AP2S1: variants seen among roughly 807,000 people sequenced by gnomAD.
AP2S1 encodes adaptor related protein complex 2 subunit sigma 1.
AP2S1 carries 6 observed loss-of-function variants against 21.0 expected under a neutral mutation model. The observed-to-expected ratio is 0.29, with a 90% CI of 0.16 to 0.56. The LOEUF (loss-of-function observed/expected upper bound fraction) is 0.56, where lower values mean the gene tolerates loss of function less well. Ranked by LOEUF, AP2S1 falls within the 20% of genes least tolerant of loss-of-function variation. The pLI is 0.92. For missense variants in AP2S1, 60 were observed against 186.2 expected (o/e 0.32, Z 3.95); for synonymous variants, 63 against 74.6 (o/e 0.84, Z 0.80).
chr19:46,838,580 G>A lies in AP2S1; in HGVS notation c.328-32C>T. 6.2e-7 allele frequency: 1 copy of A among 1,610,086 alleles called. No homozygotes were observed. Among genetic ancestry groups the A allele is most frequent in the Non-Finnish European group, 8.5e-7 (1 of 1,176,336 alleles). ...GAGGGGAGACCCTGGGGTGAGACGAGGCCCCCCAGGATGCTGGCCCGGACC... is the reference window on the plus strand; with the variant it reads ...GAGGGGAGACCCTGGGGTGAGACGAAGCCCCCCAGGATGCTGGCCCGGACC... On this transcript the variant is annotated intron_variant, in intron 4 of 4. Transcript: ENST00000263270. This position sits in a 1 kb window ranked among gnomAD's most constrained non-coding sequence, Gnocchi z 4.1.
chr19:46,839,401 G>T, intron 3 of AP2S1, 64 bp downstream of exon 3: 1 of 1,578,786 alleles, frequency 6.3e-7, no homozygotes, highest in Non-Finnish European at 8.7e-7. Flanking sequence ...GGGTTCCCAG[G>T]CCTTGGGGGC....
intron 2 of AP2S1, among the ~76,000 whole-genome samples, chr19:46,845,368 T>C (rs2055611917): frequency 6.6e-6 from 1 of 152,008 alleles, no homozygotes; most frequent in African/African-American, 2.4e-5. Flanking sequence ...ATCATGCCAC[T>C]GCACTCCAGC....
At chr19:46,848,247 G>A (rs1166517692) in intron 1 of AP2S1, among the ~76,000 whole-genome samples, 2 of 152,082 alleles carry the variant, frequency 1.3e-5, no homozygotes, top group East Asian at 1.9e-4. Context: ...GGGGCAGGGG[G>A]GAGGCGGCTA....
intron 2 of AP2S1, among the ~76,000 whole-genome samples, chr19:46,843,373 C>T (rs1161317846): frequency 1.3e-5 from 2 of 152,174 alleles, no homozygotes; most frequent in Non-Finnish European, 2.9e-5. Flanking sequence ...TGCTCAAAAC[C>T]CTCCATGGTT....
At chr19:46,843,260 ACCAGCATCT>A (rs1225398739) in intron 2 of AP2S1, among the ~76,000 whole-genome samples, 1 of 152,062 alleles carries the variant, frequency 6.6e-6, no homozygotes, top group Non-Finnish European at 1.5e-5. Flanking sequence ...TGGTCCGGTC[ACCAGCATCT>A]CCCACCTGGA....
Position 46,839,447 on chromosome 19 carries a change from A to ACCCCCCCCCCC in AP2S1, c.267+17_267+18insGGGGGGGGGGG. 2.5e-6 allele frequency: 4 copies of ACCCCCCCCCCC among 1,572,644 alleles called. No individual in the cohort carries two copies. Among genetic ancestry groups the ACCCCCCCCCCC allele is most frequent in the South Asian group, 1.1e-5 (1 of 89,144 alleles). The stretch of plus-strand genomic sequence containing the variant: ...CTGCCCACCCGCCTCCCCACCTTAC[A>ACCCCCCCCCCC]TCCCTCTCCCGCCGTACCTCCACGA... On this transcript the variant is annotated intron_variant, in intron 3 of 4. Transcript: ENST00000263270.
chr19:46,847,005 C>T (rs931398283), intron 1 of AP2S1, among the ~76,000 whole-genome samples: 2 of 152,134 alleles, frequency 1.3e-5, no homozygotes, highest in African/African-American at 4.8e-5. Context: ...AGTTTATAAA[C>T]TTAGTTCGGT....
Position 46,838,985 on chromosome 19 carries a change from G to A in AP2S1, c.268-186C>T, listed in dbSNP as rs190331414. On this transcript the variant is annotated intron_variant, in intron 3 of 4. Transcript: ENST00000263270. This position sits in a 1 kb window ranked among gnomAD's most constrained non-coding sequence, Gnocchi z 4.1. ...ACAGAGAGAAACAAAAGCAAAGATCGATGCAAAGAGATGGCAAAAGGTCAG... is the reference window on the plus strand; with the variant it reads ...ACAGAGAGAAACAAAAGCAAAGATCAATGCAAAGAGATGGCAAAAGGTCAG... Among the ~76,000 whole-genome samples, 59 of 151,970 alleles carry A rather than the reference G, an allele frequency of 3.9e-4. No homozygotes were observed. Among genetic ancestry groups the A allele is most frequent in the Admixed American group, 9.2e-4 (14 of 15,256 alleles).
chr19:46,839,713 G>A, intron 2 of AP2S1, 135 bp from the exon 3 acceptor site: 1 of 1,435,626 alleles, frequency 7.0e-7, no homozygotes, highest in Admixed American at 2.1e-5. Flanking sequence ...CTGTGCTGGG[G>A]TCACAGCAGT....
chr19:46,838,370 T>C lies in AP2S1; in HGVS notation c.*77A>G. 1.4e-6 allele frequency: 2 copies of C among 1,439,546 alleles called. No homozygotes were observed. Among genetic ancestry groups the C allele is most frequent in the African/African-American group, 1.4e-5 (1 of 71,234 alleles). 89.2% of individuals were successfully genotyped at this position (1,439,546 alleles called of 1,614,324 possible). ...GGCAGCTGAGGGAAGGACTGCTGGG[T>C]TGGCCACGGGCCTGGGAAGGGGAAG... is the stretch of plus-strand genomic sequence containing the variant. On this transcript the variant is annotated 3_prime_UTR_variant, in exon 5 of 5. Transcript: ENST00000263270. This position sits in a 1 kb window ranked among gnomAD's most constrained non-coding sequence, Gnocchi z 4.1.
chr19:46,850,821 C>T lies in AP2S1; in HGVS notation c.-55G>A. 1.3e-6 allele frequency: 2 copies of T among 1,523,956 alleles called. No homozygotes were observed. The highest frequency in any genetic ancestry group is 2.0e-5 in the Admixed American group (1 of 49,230). The allele number at this position is 1,523,956 out of a possible 1,614,324, so 94.4% of individuals were successfully genotyped here. A position where few individuals can be genotyped will look rare whatever the true frequency, so the allele number is the denominator to read the frequency against. ...CGGTCCCGCGGCGACTGGGCAGCTC[C>T]GGCTCAGGGTGCAGTTGTAGGGCCC... On this transcript the variant is annotated 5_prime_UTR_variant, in exon 1 of 5. Coordinates refer to ENST00000263270, the MANE Select transcript of AP2S1 (RefSeq NM_004069.6).
intron 2 of AP2S1, among the ~76,000 whole-genome samples, chr19:46,845,364 C>T (rs1465983684): frequency 6.6e-6 from 1 of 151,854 alleles, no homozygotes; most frequent in Admixed American, 6.6e-5. Context: ...TGAGATCATG[C>T]CACTGCACTC....
At position 46,838,816 on chromosome 19, in the gene AP2S1, G is replaced by A; in HGVS notation, c.268-17C>T. 1 of 1,607,610 alleles carries A rather than the reference G, an allele frequency of 6.2e-7. No individual in the cohort carries two copies. On this transcript the variant is annotated splice_polypyrimidine_tract_variant and intron_variant, in intron 3 of 4. Coordinates refer to ENST00000263270, the MANE Select transcript of AP2S1 (RefSeq NM_004069.6). The surrounding 1 kb of genome is among the most constrained non-coding windows in gnomAD (Gnocchi z 4.1). ...GTTTAAGACCTGGGAGAGGAAGGCA[G>A]AGATGGTAAGAGATGGGCAGGGAGA...
At chr19:46,846,185 G>T in intron 1 of AP2S1, 43 bp from the exon 2 acceptor site, 3 of 1,611,068 alleles carry the variant, frequency 1.9e-6, no homozygotes, top group South Asian at 1.1e-5. Flanking sequence ...GAGAGGCAGA[G>T]AGGGCGGGTT....
At chr19:46,845,926 G>A (rs2055622880) in intron 2 of AP2S1, 67 bp downstream of exon 2, 7 of 1,601,220 alleles carry the variant, frequency 4.4e-6, no homozygotes, top group African/African-American at 1.3e-5. Context: ...ACTAGAAGCT[G>A]GGCAGGGAGT....
chr19:46,850,728 C>T lies in AP2S1; in HGVS notation c.3+36G>A, dbSNP rs749474537. The T allele has an allele frequency of 1.2e-5, 18 of 1,526,510 alleles. No individual in the cohort carries two copies. The African/African-American group carries it at 1.8e-4, about 15-fold the overall frequency. The allele number at this position is 1,526,510 out of a possible 1,614,324, so 94.6% of individuals were successfully genotyped here. On this transcript the variant is annotated intron_variant, in intron 1 of 4. Transcript: ENST00000263270. The stretch of plus-strand genomic sequence containing the variant: ...CTCGGCTATTTACGCGTGGGCCCCC[C>T]CTCCGCCAGTCCCCGGCGTAGCGCT...
chr19:46,849,120 C>T (rs923009423), intron 1 of AP2S1, among the ~76,000 whole-genome samples: 2 of 151,036 alleles, frequency 1.3e-5, no homozygotes, highest in African/African-American at 4.9e-5. Flanking sequence ...ATTCTCCTGC[C>T]TCAGCCTCCC....
Position 46,838,395 on chromosome 19 carries a change from G to T in AP2S1, c.*52C>A. 6.4e-7 allele frequency: 1 copy of T among 1,573,414 alleles called. No individual in the cohort carries two copies. The highest frequency in any genetic ancestry group is 8.7e-7 in the Non-Finnish European group (1 of 1,144,872). On this transcript the variant is annotated 3_prime_UTR_variant, in exon 5 of 5. Coordinates refer to ENST00000263270, the MANE Select transcript of AP2S1 (RefSeq NM_004069.6). This position sits in a 1 kb window ranked among gnomAD's most constrained non-coding sequence, Gnocchi z 4.1. ...TTGGCCACGGGCCTGGGAAGGGGAA[G>T]CGAGCAGGCGAGTCCAGGAGGGGCC...
chr19:46,849,305 TGA>T (rs1271998266), intron 1 of AP2S1, among the ~76,000 whole-genome samples: 4 of 150,438 alleles, frequency 2.7e-5, no homozygotes, highest in Non-Finnish European at 4.5e-5. Context: ...CGCCCCAGCC[TGA>T]GAGTCTTTCC....
Sources: gnomAD v4.1 joint callset for allele counts (sites outside exome capture counted in the v4.1 genomes callset) on GRCh38, gnomAD v4.1.1 for gene constraint, Gnocchi (gnomAD v3.1) non-coding constraint, MANE v1.5 for transcripts, NCBI Gene and HGNC (gene_info 2026-07-23, HGNC 2026-07-21) for gene names.